ATP5MF: variants seen among roughly 807,000 people sequenced by gnomAD.
ATP5MF encodes the protein ATP synthase membrane subunit f.
Under a neutral mutation model 13.8 loss-of-function variants are expected in ATP5MF, and 10 were observed. That is an observed-to-expected ratio of 0.72 (90% CI 0.45 to 1.23). The LOEUF (loss-of-function observed/expected upper bound fraction) is 1.23, where lower values mean the gene tolerates loss of function less well. Ranked by LOEUF, ATP5MF falls within the 50% of genes most tolerant of loss-of-function variation. The pLI is 0.00. For synonymous variants in ATP5MF, 40 were observed against 45.8 expected, an observed-to-expected ratio of 0.87 and a Z score of 0.51; for missense variants, 122 against 118.2, an observed-to-expected ratio of 1.03 and a Z score of -0.15.
chr7:99,466,062 A>G (rs748395106), intron 1 of ATP5MF, 49 bp downstream of exon 1: 1 of 1,613,680 alleles, frequency 6.2e-7, no homozygotes, highest in Non-Finnish European at 8.5e-7. Flanking sequence ...GTGGCTCTGG[A>G]CCCTGGACCC....
chr7:99,463,438 C>T (rs537675424), intron 1 of ATP5MF, among the ~76,000 whole-genome samples: 1 of 152,182 alleles, frequency 6.6e-6, no homozygotes, highest in East Asian at 1.9e-4. Context: ...CTGCTTGAGG[C>T]CAGGAGTTTG....
At chr7:99,459,340 TGACA>T in intron 2 of ATP5MF, 77 bp from the exon 3 acceptor site, 1 of 1,096,408 alleles carries the variant, frequency 9.1e-7, no homozygotes, top group Admixed American at 1.7e-5. Context: ...TGAGTCTGGC[TGACA>T]TTCAGGGACC....
At chr7:99,462,611 C>T (rs1047353401) in intron 1 of ATP5MF, among the ~76,000 whole-genome samples, 3 of 151,134 alleles carry the variant, frequency 2.0e-5, no homozygotes, top group African/African-American at 7.3e-5. Context: ...CTCATCTCTA[C>T]TAAAAATACA....
chr7:99,458,436 A>G (rs1798429878), intron 3 of ATP5MF, 81 bp from the exon 4 acceptor site: 2 of 1,409,178 alleles, frequency 1.4e-6, no homozygotes, highest in Admixed American at 2.1e-5. Flanking sequence ...GGCTGAGATC[A>G]CACAAAGCCT....
chr7:99,462,288 TAAAAAAAA>T (rs755455949), intron 1 of ATP5MF, among the ~76,000 whole-genome samples: 6 of 30,872 alleles, frequency 1.9e-4, no homozygotes, highest in South Asian at 1.4e-3. Context: ...CCATCACTAC[TAAAAAAAA>T]AAAAAAAAAA....
chr7:99,460,601 CAG>C (rs146639173), intron 1 of ATP5MF: 1 of 482,574 alleles, frequency 2.1e-6, no homozygotes, highest in Admixed American at 2.2e-5. Context: ...GGGATAGACT[CAG>C]AGAGGTTGGG....
At chr7:99,458,920 C>T in intron 3 of ATP5MF, 1 of 527,292 alleles carries the variant, frequency 1.9e-6, no homozygotes, top group Admixed American at 3.3e-5. Context: ...TTTACCCTGG[C>T]TTCATCTTGA....
At chr7:99,466,061 G>A (rs1798859935) in intron 1 of ATP5MF, 50 bp downstream of exon 1, 1 of 1,613,756 alleles carries the variant, frequency 6.2e-7, no homozygotes, top group Non-Finnish European at 8.5e-7. Context: ...TGTGGCTCTG[G>A]ACCCTGGACC....
rs779047452 is a variant in ATP5MF at position 99,458,290 on chromosome 7, A to G, written c.*37T>C. On this transcript the variant is annotated 3_prime_UTR_variant, in exon 4 of 4. Coordinates refer to ENST00000292475, the MANE Select transcript of ATP5MF (RefSeq NM_004889.5). ...TGTTCCTCACGGAGGGGCTCGGGCCAAGGTCGTGGGGTGGGGGGGTGCAGA... is the reference window on the plus strand; with the variant it reads ...TGTTCCTCACGGAGGGGCTCGGGCCGAGGTCGTGGGGTGGGGGGGTGCAGA... 14 of 1,604,710 alleles carry G rather than the reference A, an allele frequency of 8.7e-6. No individual in the cohort carries two copies. The African/African-American group carries it at 1.3e-4, about 15-fold the overall frequency.
chr7:99,459,097 C>T (rs1338617645), intron 3 of ATP5MF, 50 bp downstream of exon 3: 1 of 1,425,142 alleles, frequency 7.0e-7, no homozygotes, highest in Admixed American at 1.7e-5. Context: ...AAATCAGTCA[C>T]CACCACCCTC....
At chr7:99,460,773 T>C (rs79285548) in intron 1 of ATP5MF, among the ~76,000 whole-genome samples, 5,096 of 152,112 alleles carry the variant, frequency 0.034, 101 homozygotes, top group Admixed American at 0.047. Flanking sequence ...GCCAAGTGTC[T>C]CACTCAGACT....
chr7:99,466,096 TCCAAACAGCCTTA>T lies in ATP5MF; in HGVS notation c.31+2_31+14del. 1 of 1,613,908 alleles carries T rather than the reference TCCAAACAGCCTTA, an allele frequency of 6.2e-7. No individual in the cohort carries two copies. Among genetic ancestry groups the T allele is most frequent in the Non-Finnish European group, 8.5e-7 (1 of 1,179,956 alleles). On this transcript the variant is annotated splice_donor_variant and splice_donor_5th_base_variant and intron_variant, in intron 1 of 3. Transcript: ENST00000292475. LOFTEE classifies it high-confidence loss of function. ...CCTGGCTCCTGCTTCCACCACGGAG[TCCAAACAGCCTTA>T]CCTGGGGCCGGACACTCACCAACTG...
intron 1 of ATP5MF, among the ~76,000 whole-genome samples, chr7:99,464,687 G>A (rs1337246384): frequency 3.3e-5 from 5 of 152,004 alleles, no homozygotes; most frequent in East Asian, 1.9e-4. Context: ...GAGGTCAGGC[G>A]CAGTGGCTCA....
chr7:99,464,700 C>A (rs1317412658), intron 1 of ATP5MF, among the ~76,000 whole-genome samples: 1 of 151,810 alleles, frequency 6.6e-6, no homozygotes, highest in Non-Finnish European at 1.5e-5. Flanking sequence ...GTGGCTCACG[C>A]TGGTAATCTC....
In ATP5MF at chr7:99,466,095, G is replaced by A. The variant is rs1584538372; in HGVS notation, c.31+16C>T. 1.9e-6 allele frequency: 3 copies of A among 1,614,150 alleles called. No homozygotes were observed. The East Asian group carries it at 6.7e-5, about 36-fold the overall frequency. The stretch of plus-strand genomic sequence containing the variant: ...CCCTGGCTCCTGCTTCCACCACGGA[G>A]TCCAAACAGCCTTACCTGGGGCCGG... On this transcript the variant is annotated intron_variant, in intron 1 of 3. Transcript: ENST00000292475.
chr7:99,458,883 T>C, intron 3 of ATP5MF: 1 of 440,848 alleles, frequency 2.3e-6, no homozygotes, highest in South Asian at 2.7e-5. Context: ...GTGTGCTGTA[T>C]TTTAAAGAAT....
rs772583509 is a variant in ATP5MF at position 99,459,960 on chromosome 7, C to T, written c.139+126G>A. On this transcript the variant is annotated intron_variant, in intron 2 of 3. Transcript: ENST00000292475. The stretch of plus-strand genomic sequence containing the variant: ...TCCAAGGCCTAGCATCCCTCCCTGT[C>T]ATCCTCTACATAACTTACTGCTTTC... 15 of 1,098,890 alleles carry T rather than the reference C, an allele frequency of 1.4e-5. No homozygotes were observed. The Admixed American group carries it at 1.8e-4, about 13-fold the overall frequency. The allele number at this position is 1,098,890 out of a possible 1,614,324, so 68.1% of individuals were successfully genotyped here. A position where few individuals can be genotyped will look rare whatever the true frequency, so the allele number is the denominator to read the frequency against.
chr7:99,463,463 TAATA>T (rs1798706161), intron 1 of ATP5MF, among the ~76,000 whole-genome samples: 1 of 152,096 alleles, frequency 6.6e-6, no homozygotes, highest in African/African-American at 2.4e-5. Flanking sequence ...CCCATCTCTA[TAATA>T]AATAAAATAA....
At chr7:99,461,680 G>C (rs887977361) in intron 1 of ATP5MF, among the ~76,000 whole-genome samples, 5 of 150,890 alleles carry the variant, frequency 3.3e-5, no homozygotes, top group African/African-American at 1.2e-4. Context: ...TGCACCATGA[G>C]ATCACGCCAC....
Sources: allele counts gnomAD v4.1 joint callset (sites outside exome capture counted in the v4.1 genomes callset), GRCh38; gene constraint gnomAD v4.1.1; transcripts MANE v1.5; gene names NCBI Gene and HGNC (gene_info 2026-07-23, HGNC 2026-07-21).